NRXN3: variants seen among roughly 807,000 people sequenced by gnomAD.
The protein encoded by NRXN3 is neurexin 3.
Under a neutral mutation model 137.6 loss-of-function variants are expected in NRXN3, and 32 were observed. That is an observed-to-expected ratio of 0.23 (90% CI 0.18 to 0.31). The LOEUF is 0.31. NRXN3 is among the 10% of genes least tolerant of loss of function. The pLI is 1.00. For missense variants in NRXN3, 1,574 were observed against 2,062.5 expected, an observed-to-expected ratio of 0.76 and a Z score of 4.59; for synonymous variants, 798 against 784.5, an observed-to-expected ratio of 1.02 and a Z score of -0.29.
intron 19 of NRXN3, among the ~76,000 whole-genome samples, chr14:79,761,985 T>C (rs1353549425): frequency 2.0e-5 from 3 of 151,620 alleles, no homozygotes; most frequent in Non-Finnish European, 2.9e-5. Flanking sequence ...TAGCAGTCAC[T>C]CTTGGGTGAC....
chr14:79,841,063 G>A (rs1222359025), intron 20 of NRXN3, among the ~76,000 whole-genome samples: 1 of 152,138 alleles, frequency 6.6e-6, no homozygotes. Flanking sequence ...TACATCTGCA[G>A]GGCTCCTCTA....
At chr14:78,907,943 C>G (rs1232118438) in intron 10 of NRXN3, among the ~76,000 whole-genome samples, 2 of 151,998 alleles carry the variant, frequency 1.3e-5, no homozygotes, top group African/African-American at 4.8e-5. Context: ...GCCTCCAGCT[C>G]CACCCATGTC....
chr14:79,796,213 G>T (rs2099160546), intron 19 of NRXN3, among the ~76,000 whole-genome samples: 1 of 152,070 alleles, frequency 6.6e-6, no homozygotes, highest in Non-Finnish European at 1.5e-5. Flanking sequence ...TTGGGTGGGT[G>T]ATTTTATTTA....
chr14:78,734,943 G>A (rs1459792140), intron 8 of NRXN3, among the ~76,000 whole-genome samples: 1 of 152,152 alleles, frequency 6.6e-6, no homozygotes, highest in Non-Finnish European at 1.5e-5. Context: ...CCCTTGAACA[G>A]CTATAAGCAG....
At chr14:78,524,224 T>A (rs2096339457) in intron 4 of NRXN3, among the ~76,000 whole-genome samples, 2 of 152,198 alleles carry the variant, frequency 1.3e-5, no homozygotes, top group Non-Finnish European at 2.9e-5. Flanking sequence ...GATAGTTTCG[T>A]ATTTCTACCT....
intron 15 of NRXN3, among the ~76,000 whole-genome samples, chr14:79,090,147 A>G (rs1442830571): frequency 2.0e-5 from 3 of 152,128 alleles, no homozygotes; most frequent in Admixed American, 6.6e-5. Context: ...TAATAATAAG[A>G]AATGTTGGCT....
At chr14:79,538,041 G>A (rs563616484) in intron 16 of NRXN3, among the ~76,000 whole-genome samples, 228 of 152,238 alleles carry the variant, frequency 1.5e-3, no homozygotes, top group East Asian at 4.1e-3. Flanking sequence ...TCTGATGGCC[G>A]GTGATGATGA....
At chr14:79,280,653 A>T (rs2081134456) in intron 15 of NRXN3, 12 of 1,089,450 alleles carry the variant, frequency 1.1e-5, no homozygotes, top group South Asian at 7.5e-5. Flanking sequence ...ATTTAAAATG[A>T]TGAAAAGCAT....
intron 4 of NRXN3, among the ~76,000 whole-genome samples, chr14:78,349,376 G>C (rs528314736): frequency 8.4e-4 from 128 of 152,290 alleles, no homozygotes; most frequent in African/African-American, 3.0e-3. Flanking sequence ...AACCTGATTT[G>C]GGCCTGCTCC....
At chr14:79,677,068 CTATAAATACTTT>C (rs1490090567) in intron 17 of NRXN3, among the ~76,000 whole-genome samples, 1 of 152,048 alleles carries the variant, frequency 6.6e-6, no homozygotes, top group Admixed American at 6.6e-5. Flanking sequence ...CAAGCATTAA[CTATAAATACTTT>C]TATAACAAAA....
In NRXN3 at chr14:79,014,234, C is replaced by A. The variant is rs539884664; in HGVS notation, c.3262+26093C>A. 1.1e-4 allele frequency among the ~76,000 whole-genome samples: 16 copies of A among 152,244 alleles called. No homozygotes were observed. In the South Asian group the frequency reaches 2.9e-3, roughly 28 times the overall value. On this transcript the variant is annotated intron_variant, in intron 15 of 20. Coordinates refer to ENST00000335750, the MANE Select transcript of NRXN3 (RefSeq NM_001330195.2). ...AGATAATAAACATAGTACCCAATAG[C>A]TTTTCAATCCTCACCCTCCTCCCAA...
chr14:78,792,859 C>T (rs573898943), intron 8 of NRXN3, among the ~76,000 whole-genome samples: 35 of 152,216 alleles, frequency 2.3e-4, no homozygotes, highest in Admixed American at 1.8e-3. Flanking sequence ...TTCACAAATA[C>T]GAACAAACTT....
intron 6 of NRXN3, among the ~76,000 whole-genome samples, chr14:78,654,838 T>A (rs1472456520): frequency 6.6e-6 from 1 of 152,220 alleles, no homozygotes. Flanking sequence ...CACATGATTG[T>A]ACATTAATAA....
chr14:79,052,331 C>A (rs1023418437), intron 15 of NRXN3, among the ~76,000 whole-genome samples: 1 of 152,158 alleles, frequency 6.6e-6, no homozygotes, highest in Non-Finnish European at 1.5e-5. Context: ...TCAGATAAGC[C>A]TTGAGCTAGG....
At position 79,418,552 on chromosome 14, in the gene NRXN3, G is replaced by C. The variant is rs141141214; in HGVS notation, c.3263-48669G>C. Reference sequence around the variant, plus strand: ...ATTAGTCTGATAAAAAGTCACATCAGAGAAGGTTTACCTCCAAATGATTTT... The same window carrying C: ...ATTAGTCTGATAAAAAGTCACATCACAGAAGGTTTACCTCCAAATGATTTT... On this transcript the variant is annotated intron_variant, in intron 15 of 20. Coordinates refer to ENST00000335750, the MANE Select transcript of NRXN3 (RefSeq NM_001330195.2). Among the ~76,000 whole-genome samples, 658 of 152,324 alleles carry C rather than the reference G, an allele frequency of 4.3e-3. 7 individuals carry two copies. Among genetic ancestry groups the C allele is most frequent in the African/African-American group, 0.014 (594 of 41,574 alleles).
At chr14:79,628,409 C>A (rs954373290) in intron 16 of NRXN3, among the ~76,000 whole-genome samples, 3 of 152,122 alleles carry the variant, frequency 2.0e-5, no homozygotes, top group African/African-American at 7.2e-5. Context: ...TTCTGTTGAT[C>A]TTCGAAGGAC....
At chr14:78,183,381 A>C (rs1433680072) in intron 1 of NRXN3, among the ~76,000 whole-genome samples, 5 of 152,162 alleles carry the variant, frequency 3.3e-5, no homozygotes, top group African/African-American at 1.2e-4. Context: ...CTGCCTGCTC[A>C]CCCAAGTTGT....
intron 1 of NRXN3, among the ~76,000 whole-genome samples, chr14:78,200,352 A>G (rs1049696911): frequency 2.6e-5 from 4 of 152,212 alleles, no homozygotes; most frequent in Non-Finnish European, 5.9e-5. Context: ...TGAATGTGCA[A>G]CTTGGGGGAT....
intron 16 of NRXN3, among the ~76,000 whole-genome samples, chr14:79,493,137 C>G (rs2153659801): frequency 6.6e-6 from 1 of 152,252 alleles, no homozygotes; most frequent in South Asian, 2.1e-4. Flanking sequence ...TTTTTAAATT[C>G]TAGGACTAAA....
Sources: gnomAD v4.1 joint callset for allele counts (sites outside exome capture counted in the v4.1 genomes callset) on GRCh38, gnomAD v4.1.1 for gene constraint, MANE v1.5 for transcripts, NCBI Gene and HGNC (gene_info 2026-07-23, HGNC 2026-07-21) for gene names.